The following RANBP17 variants were observed in gnomAD, a reference collection of about 807,000 sequenced individuals.
The protein encoded by RANBP17 is RAN binding protein 17, also known as ran-binding protein 17.
In RANBP17, 158 loss-of-function variants were observed where a neutral mutation model predicts 141.2. The observed-to-expected ratio is 1.12, with a 90% CI of 0.98 to 1.28. The LOEUF (loss-of-function observed/expected upper bound fraction) is 1.28. Ranked by LOEUF, RANBP17 falls within the 50% of genes most tolerant of loss-of-function variation. The pLI, the probability that RANBP17 is intolerant of heterozygous loss-of-function variation, is 0.00. For synonymous variants in RANBP17, 430 were observed against 450.0 expected, an observed-to-expected ratio of 0.96 and a Z score of 0.56; for missense variants, 1,438 against 1,290.7, an observed-to-expected ratio of 1.11 and a Z score of -1.75.
At position 171,232,541 on chromosome 5, in the gene RANBP17, A is replaced by G. The variant is rs148662099; in HGVS notation, c.2423-8387A>G. Among the ~76,000 whole-genome samples the G allele has an allele frequency of 6.9e-3, 1,041 of 150,236 alleles. 11 individuals carry two copies. Among genetic ancestry groups the G allele is most frequent in the African/African-American group, 0.024 (988 of 40,852 alleles). On this transcript the variant is annotated intron_variant, in intron 22 of 27. Coordinates refer to ENST00000523189, the MANE Select transcript of RANBP17 (RefSeq NM_022897.5). ...ATAAAATAATATACCCATGGGGGGGAAAAATCCAGCAATGTTATTTCAAAA... is the reference window on the plus strand; with the variant it reads ...ATAAAATAATATACCCATGGGGGGGGAAAATCCAGCAATGTTATTTCAAAA...
intron 25 of RANBP17, chr5:171,271,582 C>T (rs1767120133): frequency 4.8e-6 from 1 of 209,378 alleles, no homozygotes; most frequent in Non-Finnish European, 9.7e-6. Flanking sequence ...AAGACATTTC[C>T]AGTGATCCTT....
intron 12 of RANBP17, among the ~76,000 whole-genome samples, chr5:170,925,182 CTTGTA>C (rs1482133754): frequency 6.6e-6 from 1 of 152,144 alleles, no homozygotes; most frequent in Admixed American, 6.5e-5. Flanking sequence ...ATTTGTTTAT[CTTGTA>C]TTGGAAAGTG....
At chr5:170,944,118 G>C (rs1242416150) in intron 12 of RANBP17, among the ~76,000 whole-genome samples, 1 of 151,650 alleles carries the variant, frequency 6.6e-6, no homozygotes, top group Non-Finnish European at 1.5e-5. Context: ...TTTTCTTTCT[G>C]TTAGTAGCTA....
chr5:170,931,893 CT>C (rs1233723685), intron 12 of RANBP17, among the ~76,000 whole-genome samples: 1 of 152,158 alleles, frequency 6.6e-6, no homozygotes, highest in African/African-American at 2.4e-5. Flanking sequence ...AATGCGGGCT[CT>C]TTTTTGGTTC....
chr5:170,903,992 A>G (rs1770871967), intron 5 of RANBP17: 2 of 484,388 alleles, frequency 4.1e-6, no homozygotes, highest in Admixed American at 4.8e-5. Flanking sequence ...CTACTAAAAG[A>G]TTGGATCAGA....
chr5:171,216,955 G>A (rs750860728), intron 21 of RANBP17, among the ~76,000 whole-genome samples: 9 of 152,168 alleles, frequency 5.9e-5, no homozygotes, highest in Non-Finnish European at 1.3e-4. Flanking sequence ...TCATTGAATA[G>A]GAGTAGTAAG....
intron 24 of RANBP17, among the ~76,000 whole-genome samples, chr5:171,250,095 A>G (rs1234995414): frequency 6.6e-6 from 1 of 152,212 alleles, no homozygotes; most frequent in Non-Finnish European, 1.5e-5. Flanking sequence ...CCAGAAGACA[A>G]TGGAATGATA....
chr5:171,283,826 T>C (rs1478973572), intron 25 of RANBP17, among the ~76,000 whole-genome samples: 1 of 148,760 alleles, frequency 6.7e-6, no homozygotes, highest in Non-Finnish European at 1.5e-5. Flanking sequence ...AAACACTGTC[T>C]CTTACTCACA....
In RANBP17 at chr5:170,962,347, T is replaced by A. The variant is rs568280856; in HGVS notation, c.1575-5895T>A. On this transcript the variant is annotated intron_variant, in intron 13 of 27. Transcript: ENST00000523189. ...GCAAATGCAGATCACCAGCTTAAAA[T>A]GAGTTGTAAAGGCACCCCAACAAAT... Among the ~76,000 whole-genome samples, 8 of 152,310 alleles carry A rather than the reference T, an allele frequency of 5.3e-5. No individual in the cohort carries two copies. In the East Asian group the frequency reaches 1.5e-3, roughly 29 times the overall value.
intron 24 of RANBP17, chr5:171,252,204 C>T (rs1223879346): frequency 1.3e-6 from 2 of 1,579,126 alleles, no homozygotes; most frequent in Non-Finnish European, 1.7e-6. Flanking sequence ...TCTTAAATTA[C>T]CTACTAAATA....
intron 13 of RANBP17, among the ~76,000 whole-genome samples, chr5:170,957,072 A>AACACACACACAC (rs58034888): frequency 0.099 from 14,109 of 142,746 alleles, 728 homozygotes; most frequent in Admixed American, 0.13. Flanking sequence ...TCTGTCTCAA[A>AACACACACACAC]ACACACACAC....
intron 13 of RANBP17, 43 bp downstream of exon 13, chr5:170,953,745 T>A: frequency 2.3e-6 from 3 of 1,284,766 alleles, no homozygotes; most frequent in Non-Finnish European, 3.4e-6. Flanking sequence ...ACTAAATAGT[T>A]AAAAAAAATT....
rs746517019 is a variant in RANBP17 at position 170,918,710 on chromosome 5, T to C, written c.955-3T>C. On this transcript the variant is annotated splice_region_variant and splice_polypyrimidine_tract_variant and intron_variant, in intron 9 of 27. Transcript: ENST00000523189. Reference sequence around the variant, plus strand: ...AAGCCTTTCTTTTTGTCTCATAATTTAGGGTTTGTCTGATCCAGGTAATTA... The same window carrying C: ...AAGCCTTTCTTTTTGTCTCATAATTCAGGGTTTGTCTGATCCAGGTAATTA... 6.3e-7 allele frequency: 1 copy of C among 1,594,518 alleles called. No individual in the cohort carries two copies. Among genetic ancestry groups the C allele is most frequent in the African/African-American group, 1.4e-5 (1 of 73,676 alleles).
chr5:171,032,628 A>G (rs1781621434), intron 14 of RANBP17, among the ~76,000 whole-genome samples: 1 of 152,180 alleles, frequency 6.6e-6, no homozygotes, highest in Non-Finnish European at 1.5e-5. Flanking sequence ...ATAGTGATCT[A>G]TATTAAGTCA....
intron 14 of RANBP17, among the ~76,000 whole-genome samples, chr5:171,011,950 C>T (rs1179833290): frequency 6.6e-6 from 1 of 151,660 alleles, no homozygotes; most frequent in Non-Finnish European, 1.5e-5. Flanking sequence ...TTGAAAAGTC[C>T]AAGCCACTGT....
chr5:171,071,201 A>C (rs1489371719), intron 14 of RANBP17, among the ~76,000 whole-genome samples: 1 of 152,046 alleles, frequency 6.6e-6, no homozygotes, highest in African/African-American at 2.4e-5. Context: ...TGGTAACTGG[A>C]GGTATCTTAC....
intron 25 of RANBP17, among the ~76,000 whole-genome samples, chr5:171,284,074 C>A (rs1324896066): frequency 6.6e-6 from 1 of 152,174 alleles, no homozygotes; most frequent in African/African-American, 2.4e-5. Context: ...TTCCCCGCTC[C>A]CTTCCTTGCT....
At chr5:171,296,773 C>T (rs951116377) in intron 27 of RANBP17, among the ~76,000 whole-genome samples, 14 of 152,058 alleles carry the variant, frequency 9.2e-5, no homozygotes, top group African/African-American at 3.1e-4. Flanking sequence ...ATTAGCTGGG[C>T]ATGGTGGCAC....
intron 14 of RANBP17, among the ~76,000 whole-genome samples, chr5:171,083,792 CTGA>C (rs1204792360): frequency 6.6e-6 from 1 of 151,972 alleles, no homozygotes; most frequent in Non-Finnish European, 1.5e-5. Context: ...CTCACAACAT[CTGA>C]TGATATTATA....
Sources: gnomAD v4.1 joint callset for allele counts (sites outside exome capture counted in the v4.1 genomes callset) on GRCh38, gnomAD v4.1.1 for gene constraint, MANE v1.5 for transcripts, NCBI Gene and HGNC (gene_info 2026-07-23, HGNC 2026-07-21) for gene names.